The following FGD3 variants were observed in gnomAD, a reference collection of about 807,000 sequenced individuals.
FGD3 encodes the protein FYVE, RhoGEF and PH domain containing 3, also known as FYVE, RhoGEF and PH domain-containing protein 3.
Under a neutral mutation model 71.8 loss-of-function variants are expected in FGD3, and 45 were observed. That is an observed-to-expected ratio of 0.63 (90% confidence interval 0.49 to 0.80). The LOEUF (loss-of-function observed/expected upper bound fraction) is 0.80. FGD3 is among the 30% of genes least tolerant of loss of function. The pLI is 0.00. For missense variants in FGD3, 844 were observed against 951.5 expected (o/e 0.89, Z 1.49); for synonymous variants, 378 against 392.8 (o/e 0.96, Z 0.44).
At chr9:92,980,179 C>T (rs1479951336) in intron 3 of FGD3, among the ~76,000 whole-genome samples, 1 of 152,056 alleles carries the variant, frequency 6.6e-6, no homozygotes, top group African/African-American at 2.4e-5. Context: ...TGCCACCACG[C>T]CCAGCTAATT....
intron 9 of FGD3, among the ~76,000 whole-genome samples, chr9:93,015,413 G>A (rs181912033): frequency 9.9e-4 from 150 of 152,084 alleles, no homozygotes; most frequent in African/African-American, 3.4e-3. Flanking sequence ...CCAAGATTGC[G>A]CCATTGCACT....
intron 3 of FGD3, among the ~76,000 whole-genome samples, chr9:92,977,285 A>G (rs1230862868): frequency 6.6e-6 from 1 of 151,686 alleles, no homozygotes; most frequent in African/African-American, 2.4e-5. Context: ...GCATGGAGGG[A>G]GTTTGTTTGC....
chr9:92,952,875 T>C (rs539624528), intron 1 of FGD3, among the ~76,000 whole-genome samples: 2 of 152,348 alleles, frequency 1.3e-5, no homozygotes, highest in African/African-American at 4.8e-5. Flanking sequence ...CAGCTCAGCA[T>C]CTGCCCTTAA....
chr9:92,994,709 A>G (rs1169404970), intron 3 of FGD3, among the ~76,000 whole-genome samples: 2 of 152,224 alleles, frequency 1.3e-5, no homozygotes, highest in Non-Finnish European at 2.9e-5. Context: ...CAGTTTTCCC[A>G]GTACCATTTA....
rs1009766165 is a variant in FGD3, at chr9:92,989,338, C to G, written c.453+12629C>G. Among the ~76,000 whole-genome samples the G allele has an allele frequency of 2.1e-4, 32 of 152,170 alleles. 1 individual carries two copies. Reference sequence around the variant, plus strand: ...TGCTGGGATTACAGGCGTGATCCACCGCGCCTGGCCAACCCCTGACCTCTT... The same window carrying G: ...TGCTGGGATTACAGGCGTGATCCACGGCGCCTGGCCAACCCCTGACCTCTT... On this transcript the variant is annotated intron_variant, in intron 3 of 17. Transcript: ENST00000375482.
chr9:93,009,244 C>A (rs1392576557), intron 6 of FGD3, among the ~76,000 whole-genome samples: 1 of 147,462 alleles, frequency 6.8e-6, no homozygotes, highest in African/African-American at 2.6e-5. Context: ...GCCCAGGCAA[C>A]AGAGCGAGAC....
intron 11 of FGD3, among the ~76,000 whole-genome samples, chr9:93,019,128 G>T (rs1861817418): frequency 1.3e-5 from 2 of 152,284 alleles, no homozygotes; most frequent in South Asian, 4.1e-4. Context: ...GGGATTACAG[G>T]TGTGAGCCAC....
chr9:92,967,896 G>A (rs939961538), intron 1 of FGD3, among the ~76,000 whole-genome samples: 13 of 152,150 alleles, frequency 8.5e-5, no homozygotes, highest in African/African-American at 3.1e-4. Flanking sequence ...GGCTGAACAT[G>A]ATTCTGTTCT....
chr9:92,983,160 G>A (rs148420099), intron 3 of FGD3, among the ~76,000 whole-genome samples: 20 of 152,078 alleles, frequency 1.3e-4, no homozygotes, highest in African/African-American at 4.3e-4. Context: ...AAGTCTTATG[G>A]TGCCACAGTC....
At chr9:92,949,678 T>C (rs957845254) in intron 1 of FGD3, among the ~76,000 whole-genome samples, 1 of 152,208 alleles carries the variant, frequency 6.6e-6, no homozygotes, top group East Asian at 1.9e-4. Context: ...AGGCAGCGGC[T>C]CTTGGCCCTG....
intron 9 of FGD3, 36 bp downstream of exon 9, chr9:93,014,034 T>C: frequency 6.3e-7 from 1 of 1,576,222 alleles, no homozygotes; most frequent in Non-Finnish European, 8.6e-7. Flanking sequence ...CCGCAGAGCC[T>C]CCCTTGCCAT....
chr9:92,962,829 T>C (rs1394694913), intron 1 of FGD3, among the ~76,000 whole-genome samples: 1 of 150,696 alleles, frequency 6.6e-6, no homozygotes, highest in Non-Finnish European at 1.5e-5. Context: ...TAATCCCAGC[T>C]ACTTGGAAGG....
chr9:93,014,561 CT>C (rs1861587836), intron 9 of FGD3, among the ~76,000 whole-genome samples: 1 of 152,004 alleles, frequency 6.6e-6, no homozygotes, highest in Non-Finnish European at 1.5e-5. Context: ...TTAACTAAAA[CT>C]CATTTTTGCT....
intron 1 of FGD3, among the ~76,000 whole-genome samples, chr9:92,957,653 G>T: frequency 6.9e-6 from 1 of 144,966 alleles, no homozygotes; most frequent in Admixed American, 6.9e-5. Flanking sequence ...CCCAATCTGT[G>T]ATTTGTCTTT....
At chr9:93,027,460 C>T (rs1225653535) in intron 14 of FGD3, among the ~76,000 whole-genome samples, 2 of 152,160 alleles carry the variant, frequency 1.3e-5, no homozygotes, top group African/African-American at 2.4e-5. Context: ...TCTGTGTCCT[C>T]ATCTCTTCTT....
At position 93,021,480 on chromosome 9, in the gene FGD3, G is replaced by C. The variant is rs577808020; in HGVS notation, c.1495-847G>C. Among the ~76,000 whole-genome samples, 175 of 152,268 alleles carry C rather than the reference G, an allele frequency of 1.1e-3. 1 individual carries two copies. The highest frequency in any genetic ancestry group is 4.0e-3 in the African/African-American group (167 of 41,558). ...TCTGCCCGCTGCGAGGAAGGCCCTG[G>C]AGTCACTGGCCCTGGACAAGGCATA... is the stretch of plus-strand genomic sequence containing the variant. On this transcript the variant is annotated intron_variant, in intron 13 of 17. Transcript: ENST00000375482.
intron 1 of FGD3, among the ~76,000 whole-genome samples, chr9:92,962,939 CAAAA>C (rs982916623): frequency 1.9e-5 from 2 of 106,018 alleles, no homozygotes; most frequent in Non-Finnish European, 2.0e-5. Context: ...GGCTCCGTCT[CAAAA>C]AAAAAAAAAA....
At chr9:93,011,105 T>G in intron 7 of FGD3, 109 bp from the exon 8 acceptor site, 1 of 1,152,342 alleles carries the variant, frequency 8.7e-7, no homozygotes, top group Admixed American at 1.7e-5. Flanking sequence ...TGGGAAAGGC[T>G]GAGGGCAGAG....
chr9:93,022,979 A>G (rs181330377), intron 14 of FGD3, among the ~76,000 whole-genome samples: 46 of 152,258 alleles, frequency 3.0e-4, no homozygotes, highest in African/African-American at 1.1e-3. Context: ...GAACTGGGAT[A>G]AGGCCTGCCT....
Sources: allele counts gnomAD v4.1 joint callset (sites outside exome capture counted in the v4.1 genomes callset), GRCh38; gene constraint gnomAD v4.1.1; transcripts MANE v1.5; gene names NCBI Gene and HGNC (gene_info 2026-07-23, HGNC 2026-07-21).